The following CSMD3 variants were observed in gnomAD, a reference collection of about 807,000 sequenced individuals.
The protein encoded by CSMD3 is CUB and Sushi multiple domains 3.
A neutral mutation model predicts 435.2 loss-of-function variants in CSMD3; 177 were observed. That is an observed-to-expected ratio of 0.41 (90% CI 0.36 to 0.46). The LOEUF (loss-of-function observed/expected upper bound fraction) is 0.46, where lower values mean the gene tolerates loss of function less well. CSMD3 is among the 20% of genes least tolerant of loss of function. The probability of loss-of-function intolerance (pLI) is 0.34; values close to 1 mark genes in which losing one functional copy is unlikely to be tolerated. For missense variants in CSMD3, 4,265 were observed against 4,504.6 expected, an observed-to-expected ratio of 0.95 and a Z score of 1.52; for synonymous variants, 1,656 against 1,520.5, an observed-to-expected ratio of 1.09 and a Z score of -2.07.
At chr8:112,486,553 A>G (rs1316091249) in intron 31 of CSMD3, among the ~76,000 whole-genome samples, 1 of 152,138 alleles carries the variant, frequency 6.6e-6, no homozygotes, top group Non-Finnish European at 1.5e-5. Context: ...CTCTTGTTCT[A>G]CTGAATTACT....
In CSMD3 at chr8:112,352,408, A is replaced by G; in HGVS notation, c.6255+8T>C. On this transcript the variant is annotated splice_region_variant and intron_variant, in intron 39 of 70. Transcript: ENST00000297405. ...AAAATCAAAACCACAACTTTAAAAT[A>G]GACTTACCTGAAGAGAATATCCTTG... The G allele has an allele frequency of 6.2e-7, 1 of 1,613,242 alleles. No individual in the cohort carries two copies.
At chr8:112,669,231 G>A (rs533185194) in intron 16 of CSMD3, among the ~76,000 whole-genome samples, 51 of 151,776 alleles carry the variant, frequency 3.4e-4, no homozygotes, top group African/African-American at 9.7e-4. Context: ...ACAGGGTTTC[G>A]CCATGGCCAG....
chr8:112,882,131 T>C (rs1013525674), intron 10 of CSMD3, among the ~76,000 whole-genome samples: 2 of 151,864 alleles, frequency 1.3e-5, no homozygotes, highest in Non-Finnish European at 2.9e-5. Context: ...TTCAGAGCTA[T>C]ACAGATGTGA....
intron 20 of CSMD3, chr8:112,643,639 A>G (rs2074897599): frequency 6.0e-6 from 1 of 166,998 alleles, no homozygotes; most frequent in African/African-American, 2.4e-5. Flanking sequence ...TTTAAACTCT[A>G]TTAATCTATT....
At chr8:113,212,309 T>C (rs1214400339) in intron 3 of CSMD3, among the ~76,000 whole-genome samples, 1 of 152,160 alleles carries the variant, frequency 6.6e-6, no homozygotes, top group Non-Finnish European at 1.5e-5. Context: ...GAATGAGGTA[T>C]ATATTGATAT....
chr8:112,622,220 C>T (rs1343600297), intron 22 of CSMD3, among the ~76,000 whole-genome samples: 1 of 152,118 alleles, frequency 6.6e-6, no homozygotes, highest in African/African-American at 2.4e-5. Context: ...AGATCTTTAG[C>T]ACCAATATTC....
chr8:112,532,844 T>A (rs1825668663), intron 27 of CSMD3, among the ~76,000 whole-genome samples: 1 of 152,144 alleles, frequency 6.6e-6, no homozygotes, highest in Non-Finnish European at 1.5e-5. Flanking sequence ...GTGTCTTTAG[T>A]CTGAAGAAGA....
At chr8:112,556,579 A>C (rs930429965) in intron 25 of CSMD3, among the ~76,000 whole-genome samples, 184 bp downstream of exon 25, 1 of 151,950 alleles carries the variant, frequency 6.6e-6, no homozygotes, top group Admixed American at 6.6e-5. Flanking sequence ...ATAATGAATA[A>C]AGTTATGAAA....
At chr8:112,464,285 T>C (rs1036080478) in intron 32 of CSMD3, among the ~76,000 whole-genome samples, 1 of 150,460 alleles carries the variant, frequency 6.6e-6, no homozygotes, top group Admixed American at 6.6e-5. Flanking sequence ...GCTATCCAGG[T>C]CTCTGTTGTA....
chr8:112,344,969 A>G (rs1389978207), intron 41 of CSMD3, among the ~76,000 whole-genome samples: 1 of 152,184 alleles, frequency 6.6e-6, no homozygotes, highest in Non-Finnish European at 1.5e-5. Context: ...ATAAGAAAAG[A>G]GTTACAAAAA....
intron 41 of CSMD3, 90 bp downstream of exon 41, chr8:112,346,007 T>C: frequency 1.2e-6 from 1 of 832,980 alleles, no homozygotes; most frequent in South Asian, 1.4e-5. Context: ...TTTGTGAAGA[T>C]TTTATAAATT....
intron 27 of CSMD3, among the ~76,000 whole-genome samples, chr8:112,532,653 T>A (rs1035498767): frequency 2.0e-5 from 3 of 152,036 alleles, no homozygotes; most frequent in Non-Finnish European, 4.4e-5. Context: ...CAAACAAAGT[T>A]AAGAGTCTTC....
intron 1 of CSMD3, among the ~76,000 whole-genome samples, chr8:113,353,267 G>C (rs1328704199): frequency 6.6e-6 from 1 of 152,078 alleles, no homozygotes; most frequent in African/African-American, 2.4e-5. Flanking sequence ...TCCCTCAGAG[G>C]AAGAGATTCT....
At chr8:113,350,544 T>A (rs186210663) in intron 1 of CSMD3, among the ~76,000 whole-genome samples, 1 of 152,118 alleles carries the variant, frequency 6.6e-6, no homozygotes, top group East Asian at 1.9e-4. Context: ...GGTCACTTTC[T>A]TAATGTCACT....
chr8:112,443,182 T>G (rs113642346), intron 32 of CSMD3, among the ~76,000 whole-genome samples: 1 of 152,282 alleles, frequency 6.6e-6, no homozygotes, highest in East Asian at 1.9e-4. Context: ...GTGAATGCTG[T>G]TCTTCCCTCA....
intron 38 of CSMD3, among the ~76,000 whole-genome samples, chr8:112,365,733 C>A (rs1827725893): frequency 1.3e-5 from 2 of 151,972 alleles, no homozygotes; most frequent in South Asian, 4.1e-4. Context: ...CAGGAGTTTA[C>A]AAATGGATAA....
rs943341948 is a variant in CSMD3 at position 113,237,799 on chromosome 8, G to A, written c.514+40793C>T. ...TGTTTATCAAAGGGAGTTCTGGGCC[G>A]GGAGCGATAGCTCATGCCTGTAATC... On this transcript the variant is annotated intron_variant, in intron 3 of 70. Transcript: ENST00000297405. 3.9e-5 allele frequency among the ~76,000 whole-genome samples: 6 copies of A among 152,210 alleles called. No individual in the cohort carries two copies. In the East Asian group the frequency reaches 1.2e-3, roughly 29 times the overall value.
chr8:112,287,908 T>C (rs1819371175), intron 57 of CSMD3, among the ~76,000 whole-genome samples: 1 of 152,096 alleles, frequency 6.6e-6, no homozygotes, highest in Non-Finnish European at 1.5e-5. Context: ...GTTCATCTTT[T>C]GATTTTAGTG....
chr8:112,998,253 G>A (rs2085729971), intron 6 of CSMD3, among the ~76,000 whole-genome samples: 1 of 151,488 alleles, frequency 6.6e-6, no homozygotes, highest in African/African-American at 2.4e-5. Flanking sequence ...CATTACCCTG[G>A]AAGAATTATC....
Sources: allele counts gnomAD v4.1 joint callset (sites outside exome capture counted in the v4.1 genomes callset), GRCh38; gene constraint gnomAD v4.1.1; transcripts MANE v1.5; gene names NCBI Gene and HGNC (gene_info 2026-07-23, HGNC 2026-07-21).